TTC24: variants seen among roughly 807,000 people sequenced by gnomAD.
The protein encoded by TTC24 is tetratricopeptide repeat protein 24.
A neutral mutation model predicts 63.3 loss-of-function variants in TTC24; 54 were observed. The ratio of observed to expected loss-of-function variants is 0.85; its 90% CI spans 0.69 to 1.07. TTC24 has a LOEUF of 1.07. Among genes scored for constraint, TTC24 ranks in the 50% least tolerant of loss-of-function variants. TTC24 has a pLI of 0.00. For missense variants in TTC24, 680 were observed against 730.5 expected (o/e 0.93, Z 0.80); for synonymous variants, 276 against 304.3 (o/e 0.91, Z 0.97).
rs1029699073 is a variant in TTC24 at position 156,583,666 on chromosome 1, G to C, written c.1153-131G>C. The C allele has an allele frequency of 1.6e-5, 15 of 959,580 alleles. No individual in the cohort carries two copies. The Admixed American group carries it at 2.1e-4, about 14-fold the overall frequency. The allele number at this position is 959,580 out of a possible 1,614,324, so 59.4% of individuals were successfully genotyped here. ...GTGGCAGGACCCTGGGAAAGGCATG[G>C]GGATGGGGTAGAAGAGAGGGGAAAC... On this transcript the variant is annotated intron_variant, in intron 5 of 10. Transcript: ENST00000368236. The surrounding 1 kb of genome is among the most constrained non-coding windows in gnomAD (Gnocchi z 4.0).
intron 3 of TTC24, 79 bp downstream of exon 3, chr1:156,582,513 G>T: frequency 7.4e-7 from 1 of 1,349,688 alleles, no homozygotes; most frequent in Non-Finnish European, 1.0e-6. Flanking sequence ...AGGCTTAAGG[G>T]TGGATGGCCC....
chr1:156,581,669 T>C lies in TTC24; in HGVS notation c.305T>C (p.Leu102Pro), dbSNP rs1329578537. The C allele has an allele frequency of 6.4e-7, 1 of 1,551,756 alleles. No homozygotes were observed. The highest frequency in any genetic ancestry group is 2.0e-5 in the Admixed American group (1 of 51,014). ...GACCCAGCCAGAGGCCTTGAGCTAC[T>C]CCTGCGAGCCCACCCTGAAGAGAAG... ...TGDPARGLEL[L>P]LRAHPEEKAQ... Residue 102 changes from leucine (L) to proline (P), a missense_variant, in exon 2 of 11, where the codon CTC becomes CCC. Transcript: ENST00000368236.
rs372056238 is a variant in TTC24, at chr1:156,585,845, G to A, written c.1570+19G>A. ...ATCTATAGTGAGCAGTGCATCCCCT[G>A]ACACCGCCCCAACTCGTGGTTCTTC... is the stretch of plus-strand genomic sequence containing the variant. On this transcript the variant is annotated intron_variant, in intron 9 of 10. Coordinates refer to ENST00000368236, the MANE Select transcript of TTC24 (RefSeq NM_001105669.4). 6.6e-5 allele frequency: 105 copies of A among 1,600,278 alleles called. No homozygotes were observed. In the Middle Eastern group the frequency reaches 1.2e-3, roughly 18 times the overall value.
chr1:156,584,280 G>T (rs1473728174), intron 6 of TTC24, among the ~76,000 whole-genome samples: 1 of 152,058 alleles, frequency 6.6e-6, no homozygotes. Context: ...TCATTTCTCT[G>T]TGGGTCTCCA....
At position 156,582,891 on chromosome 1, in the gene TTC24, G is replaced by A. The variant is rs970152163; in HGVS notation, c.911-151G>A. 98 of 942,436 alleles carry A rather than the reference G, an allele frequency of 1.0e-4. No homozygotes were observed. In the East Asian group the frequency reaches 2.2e-3, roughly 21 times the overall value. 58.4% of individuals were successfully genotyped at this position (942,436 alleles called of 1,614,324 possible). On this transcript the variant is annotated intron_variant, in intron 3 of 10. Coordinates refer to ENST00000368236, the MANE Select transcript of TTC24 (RefSeq NM_001105669.4). Reference sequence around the variant, plus strand: ...AACTCAGGATGGGGCCAGGCTGGGTGTGGAGGGTTCAGGCCTCTCGGATGC... The same window carrying A: ...AACTCAGGATGGGGCCAGGCTGGGTATGGAGGGTTCAGGCCTCTCGGATGC...
Position 156,587,504 on chromosome 1 carries a change from G to C in TTC24, c.*954G>C, listed in dbSNP as rs1677208011. On this transcript the variant is annotated 3_prime_UTR_variant, in exon 11 of 11. Transcript: ENST00000368236. ...TCAAGTGTGTCTATGCCCGTTGTATGTGTTATTGTAATTCATAATGTAATT... is the reference window on the plus strand; with the variant it reads ...TCAAGTGTGTCTATGCCCGTTGTATCTGTTATTGTAATTCATAATGTAATT... Among the ~76,000 whole-genome samples, 1 of 152,150 alleles carries C rather than the reference G, an allele frequency of 6.6e-6. No individual in the cohort carries two copies. Among genetic ancestry groups the C allele is most frequent in the African/African-American group, 2.4e-5 (1 of 41,452 alleles).
chr1:156,582,596 C>T (rs1173275013), intron 3 of TTC24, among the ~76,000 whole-genome samples, 162 bp downstream of exon 3: 5 of 152,138 alleles, frequency 3.3e-5, no homozygotes, highest in Admixed American at 2.6e-4. Flanking sequence ...GATGGGACAG[C>T]CAGACAGGAC....
chr1:156,583,229 G>T lies in TTC24; in HGVS notation c.1039+59G>T, dbSNP rs929816262. ...AGTGGGGAGGCTGAGGGTCCTAGGG[G>T]CTGGCGGGGAGGCAGATGGGGGGAA... On this transcript the variant is annotated intron_variant, in intron 4 of 10. Transcript: ENST00000368236. This position sits in a 1 kb window ranked among gnomAD's most constrained non-coding sequence, Gnocchi z 4.0. 10 of 1,610,316 alleles carry T rather than the reference G, an allele frequency of 6.2e-6. No homozygotes were observed. Among genetic ancestry groups the T allele is most frequent in the Non-Finnish European group, 8.5e-6 (10 of 1,178,456 alleles).
Position 156,586,647 on chromosome 1 carries a change from GC to G in TTC24, c.*100del, listed in dbSNP as rs1215558422. The stretch of plus-strand genomic sequence containing the variant: ...GACCAAGCCTCTTCCCAGTTGCTCA[GC>G]CCTGCAGGGATGTGGAACACAGTGC... On this transcript the variant is annotated 3_prime_UTR_variant, in exon 11 of 11. Coordinates refer to ENST00000368236, the MANE Select transcript of TTC24 (RefSeq NM_001105669.4). 9 of 1,111,084 alleles carry G rather than the reference GC, an allele frequency of 8.1e-6. No homozygotes were observed. The highest frequency in any genetic ancestry group is 1.2e-5 in the Non-Finnish European group (9 of 753,542). The allele number at this position is 1,111,084 out of a possible 1,614,324, so 68.8% of individuals were successfully genotyped here.
intron 8 of TTC24, chr1:156,585,476 C>T: frequency 5.0e-6 from 3 of 600,370 alleles, no homozygotes; most frequent in South Asian, 4.0e-5. Context: ...TTCCCTGAAC[C>T]CTTCTAGAAC....
In TTC24 at chr1:156,584,898, C is replaced by CA; in HGVS notation, c.1274dup (p.Ala426GlyfsTer33). The CA allele has an allele frequency of 1.3e-6, 2 of 1,593,680 alleles. No individual in the cohort carries two copies. The highest frequency in any genetic ancestry group is 8.5e-7 in the Non-Finnish European group (1 of 1,170,912). On this transcript the variant is annotated frameshift_variant, in exon 7 of 11. Coordinates refer to ENST00000368236, the MANE Select transcript of TTC24 (RefSeq NM_001105669.4). LOFTEE classifies it high-confidence loss of function. ...CCAGACTTCGGCTCCGGGAAGACTCCAGGCTCCAGGTGGGGCCAGCCAGGC... is the reference window on the plus strand; with the variant it reads ...CCAGACTTCGGCTCCGGGAAGACTCCAAGGCTCCAGGTGGGGCCAGCCAGGC...
intron 1 of TTC24, 135 bp from the exon 2 acceptor site, chr1:156,581,226 G>A (rs771272185): frequency 2.2e-5 from 13 of 590,320 alleles, no homozygotes; most frequent in Non-Finnish European, 3.8e-5. Flanking sequence ...GAAACAAAGT[G>A]AGAGATCAGA....
intron 1 of TTC24, 59 bp downstream of exon 1, chr1:156,579,817 G>A (rs971172624): frequency 2.0e-5 from 3 of 152,198 alleles, no homozygotes; most frequent in African/African-American, 7.2e-5. Context: ...GAATGCCCTG[G>A]AGTGGAAGGC....
Position 156,587,050 on chromosome 1 carries a change from A to G in TTC24, c.*500A>G, listed in dbSNP as rs1314385764. 6.6e-6 allele frequency among the ~76,000 whole-genome samples: 1 copy of G among 150,818 alleles called. No individual in the cohort carries two copies. Among genetic ancestry groups the G allele is most frequent in the African/African-American group, 2.4e-5 (1 of 41,414 alleles). On this transcript the variant is annotated 3_prime_UTR_variant, in exon 11 of 11. Transcript: ENST00000368236. ...TGTAGCCTGTAGGACAGCTCCTGCC[A>G]GCAGCCACAGGAACAGTGATGTGAT...
At chr1:156,585,861 G>A (rs376635857) in intron 9 of TTC24, 35 bp downstream of exon 9, 26 of 1,595,364 alleles carry the variant, frequency 1.6e-5, no homozygotes, top group Middle Eastern at 1.7e-4. Flanking sequence ...GCCCCAACTC[G>A]TGGTTCTTCT....
In TTC24 at chr1:156,583,898, G is replaced by A. The variant is rs866389782; in HGVS notation, c.1251+3G>A. 2 of 1,575,038 alleles carry A rather than the reference G, an allele frequency of 1.3e-6. No individual in the cohort carries two copies. The highest frequency in any genetic ancestry group is 1.7e-6 in the Non-Finnish European group (2 of 1,160,280). On this transcript the variant is annotated splice_donor_region_variant and intron_variant, in intron 6 of 10. Transcript: ENST00000368236. The surrounding 1 kb of genome is among the most constrained non-coding windows in gnomAD (Gnocchi z 4.0). The stretch of plus-strand genomic sequence containing the variant: ...GGCTGGTCCAGACTCACACCCTGGT[G>A]AGATGACACCTGAGACAAGGAGATG...
chr1:156,586,302 G>A (rs1273431045), intron 10 of TTC24, among the ~76,000 whole-genome samples, 167 bp from the exon 11 acceptor site: 2 of 152,096 alleles, frequency 1.3e-5, no homozygotes, highest in African/African-American at 4.8e-5. Context: ...AAGACAGGGT[G>A]CTGCAGGATG....
chr1:156,581,877 G>A lies in TTC24; in HGVS notation c.513G>A (p.Glu171=), dbSNP rs1463168772. The A allele has an allele frequency of 6.5e-7, 1 of 1,548,124 alleles. No homozygotes were observed. Among genetic ancestry groups the A allele is most frequent in the Non-Finnish European group, 8.7e-7 (1 of 1,144,736 alleles). ...GACYQALGQP[E]LAAHCLQEAS... ...GCTACCAGGCTCTGGGACAGCCTGA[G>A]CTAGCAGCCCACTGCCTGCAGGAAG... is the stretch of plus-strand genomic sequence containing the variant. The change falls in exon 2 of 11, where the codon GAG becomes GAA. Residue 171 remains glutamate, a synonymous_variant. Transcript: ENST00000368236.
chr1:156,582,564 G>A, intron 3 of TTC24, 130 bp downstream of exon 3: 2 of 804,890 alleles, frequency 2.5e-6, no homozygotes, highest in Non-Finnish European at 1.9e-6. Flanking sequence ...AGAACCAGTG[G>A]GGGAGAGCTG....
Sources: allele counts gnomAD v4.1 joint callset (sites outside exome capture counted in the v4.1 genomes callset), GRCh38; gene constraint gnomAD v4.1.1; non-coding constraint Gnocchi (gnomAD v3.1); transcripts MANE v1.5; gene names NCBI Gene and HGNC (gene_info 2026-07-23, HGNC 2026-07-21).